Variants in DOCK8 observed in about 807,000 individuals in gnomAD.
The protein encoded by DOCK8 is dedicator of cytokinesis protein 8.
Under a neutral mutation model 245.6 loss-of-function variants are expected in DOCK8, and 141 were observed. The ratio of observed to expected loss-of-function variants is 0.57; its 90% confidence interval spans 0.50 to 0.66. The LOEUF (loss-of-function observed/expected upper bound fraction) is 0.66, where lower values mean the gene tolerates loss of function less well. Among genes scored for constraint, DOCK8 ranks in the 30% least tolerant of loss-of-function variants. The probability of loss-of-function intolerance (pLI) is 0.00; values close to 1 mark genes in which losing one functional copy is unlikely to be tolerated. For missense variants in DOCK8, 2,965 were observed against 2,603.4 expected, an observed-to-expected ratio of 1.14 and a Z score of -3.02; for synonymous variants, 1,168 against 970.2, an observed-to-expected ratio of 1.20 and a Z score of -3.79.
Position 316,950 on chromosome 9 carries a change from C to G in DOCK8, c.742-93C>G, listed in dbSNP as rs563913410. The G allele has an allele frequency of 3.4e-4, 329 of 981,330 alleles. 10 individuals carry two copies. The highest frequency in any genetic ancestry group is 2.7e-3 in the Middle Eastern group (13 of 4,830). The allele number at this position is 981,330 out of a possible 1,614,324, so 60.8% of individuals were successfully genotyped here. A position where few individuals can be genotyped will look rare whatever the true frequency, so the allele number is the denominator to read the frequency against. ...AAAGCAAATCTAAGTTAACTTGAGCCGTGGAGGGTAGCCTTCCCTTCCCTG... is the reference window on the plus strand; with the variant it reads ...AAAGCAAATCTAAGTTAACTTGAGCGGTGGAGGGTAGCCTTCCCTTCCCTG... On this transcript the variant is annotated intron_variant, in intron 6 of 47. Coordinates refer to ENST00000432829, the MANE Select transcript of DOCK8 (RefSeq NM_203447.4).
chr9:355,294 T>C (rs1382151196), intron 14 of DOCK8, among the ~76,000 whole-genome samples: 2 of 150,234 alleles, frequency 1.3e-5, no homozygotes, highest in Admixed American at 6.7e-5. Flanking sequence ...ACCTCCGCCT[T>C]CCTGGTACAA....
At chr9:287,703 C>G (rs2048878543) in intron 3 of DOCK8, among the ~76,000 whole-genome samples, 1 of 152,190 alleles carries the variant, frequency 6.6e-6, no homozygotes, top group Non-Finnish European at 1.5e-5. Context: ...GAAAGAAAAA[C>G]ATTGTCATTT....
chr9:372,718 C>G (rs1054303133), intron 18 of DOCK8, among the ~76,000 whole-genome samples: 1 of 152,164 alleles, frequency 6.6e-6, no homozygotes, highest in Non-Finnish European at 1.5e-5. Context: ...ATCCCAATGC[C>G]AATAGCCTTT....
At chr9:371,311 A>C in intron 16 of DOCK8, 117 bp from the exon 17 acceptor site, 1 of 1,241,426 alleles carries the variant, frequency 8.1e-7, no homozygotes, top group Non-Finnish European at 1.2e-6. Flanking sequence ...AGTAATGTAA[A>C]ATGAAAAGCA....
chr9:330,495 G>C (rs908747639), intron 9 of DOCK8, among the ~76,000 whole-genome samples: 1 of 152,088 alleles, frequency 6.6e-6, no homozygotes, highest in Non-Finnish European at 1.5e-5. Flanking sequence ...TTCCTATTTT[G>C]CTACATTTGC....
chr9:223,157 C>T (rs1202910753), intron 1 of DOCK8, among the ~76,000 whole-genome samples: 3 of 152,074 alleles, frequency 2.0e-5, no homozygotes, highest in Non-Finnish European at 4.4e-5. Flanking sequence ...CATCAAAGGG[C>T]AAAATTCATT....
intron 1 of DOCK8, among the ~76,000 whole-genome samples, chr9:224,019 G>A (rs1050437944): frequency 2.6e-5 from 4 of 152,104 alleles, no homozygotes; most frequent in African/African-American, 4.8e-5. Flanking sequence ...ACATATAGCC[G>A]TGAAATAACG....
rs141341212 is a variant in DOCK8 at position 369,807 on chromosome 9, T to G, written c.1798-423T>G. ...TTGGGCCAGTTGTAGTCCCAGCACT[T>G]TTTTTTTTCTTTTTGAGACAGGATC... On this transcript the variant is annotated intron_variant, in intron 15 of 47. Transcript: ENST00000432829. 253 of 238,144 alleles carry G rather than the reference T, an allele frequency of 1.1e-3. 3 individuals are homozygous for G. Among genetic ancestry groups the G allele is most frequent in the African/African-American group, 5.7e-3 (248 of 43,380 alleles). The allele number at this position is 238,144 out of a possible 1,614,324, so 14.8% of individuals were successfully genotyped here.
chr9:421,981 G>C, intron 32 of DOCK8, 67 bp from the exon 33 acceptor site: 1 of 1,373,696 alleles, frequency 7.3e-7, no homozygotes, highest in South Asian at 1.2e-5. Flanking sequence ...AGCTTGTTAT[G>C]AACTTCTGGT....
chr9:401,094 CCAT>C (rs1375329148), intron 26 of DOCK8, among the ~76,000 whole-genome samples: 4 of 150,794 alleles, frequency 2.7e-5, no homozygotes, highest in Non-Finnish European at 5.9e-5. Context: ...ACCTCCACCA[CCAT>C]CACCACCTCT....
At chr9:425,755 T>A (rs1249803113) in intron 33 of DOCK8, among the ~76,000 whole-genome samples, 36 of 131,578 alleles carry the variant, frequency 2.7e-4, no homozygotes, top group Non-Finnish European at 5.1e-4. Flanking sequence ...AGACCCTGTC[T>A]CTAAGGAAAA....
At chr9:274,704 C>T (rs538015690) in intron 2 of DOCK8, among the ~76,000 whole-genome samples, 27 of 152,078 alleles carry the variant, frequency 1.8e-4, no homozygotes, top group East Asian at 1.7e-3. Context: ...TGGAACATGT[C>T]GGTAAGATTC....
chr9:277,299 C>A (rs2048384383), intron 2 of DOCK8, among the ~76,000 whole-genome samples: 1 of 151,848 alleles, frequency 6.6e-6, no homozygotes, highest in South Asian at 2.1e-4. Flanking sequence ...GTGGCACATG[C>A]CTTTAGTCCC....
chr9:215,039 C>T lies in DOCK8; in HGVS notation c.53+10C>T, dbSNP rs763565243. ...CGCTCAAGATCAACAGGTAAGACGC[C>T]CCCCGCGGCGCGCAGGTTGCGGCCG... On this transcript the variant is annotated intron_variant, in intron 1 of 47. Coordinates refer to ENST00000432829, the MANE Select transcript of DOCK8 (RefSeq NM_203447.4). 66 of 1,573,474 alleles carry T rather than the reference C, an allele frequency of 4.2e-5. No individual in the cohort carries two copies. In the Admixed American group the frequency reaches 4.8e-4, roughly 11 times the overall value.
intron 45 of DOCK8, 80 bp downstream of exon 45, chr9:450,007 G>T: frequency 6.7e-7 from 1 of 1,482,300 alleles, no homozygotes; most frequent in South Asian, 1.2e-5. Flanking sequence ...TTCTTCCTTG[G>T]GGTTGATGAG....
At chr9:311,063 A>C (rs954883489) in intron 5 of DOCK8, among the ~76,000 whole-genome samples, 4 of 152,072 alleles carry the variant, frequency 2.6e-5, no homozygotes, top group Admixed American at 6.5e-5. Flanking sequence ...ATGGCGGCGG[A>C]TCACCTAAGG....
chr9:213,776 C>A (rs991289013), upstream of DOCK8: 22 of 151,594 alleles, frequency 1.5e-4, no homozygotes, highest in African/African-American at 4.9e-4. Context: ...TGTCGCCAGG[C>A]TGGAGTGCAG....
intron 14 of DOCK8, among the ~76,000 whole-genome samples, chr9:345,247 G>A (rs888629355): frequency 6.6e-6 from 1 of 152,148 alleles, no homozygotes; most frequent in Admixed American, 6.5e-5. Context: ...GATCTGTGGG[G>A]CAGATAAATT....
intron 1 of DOCK8, among the ~76,000 whole-genome samples, chr9:254,026 G>A (rs1387708541): frequency 6.6e-6 from 1 of 152,214 alleles, no homozygotes; most frequent in Admixed American, 6.5e-5. Context: ...AAGGTAAAAA[G>A]TAAAGCATTT....
Sources: allele counts gnomAD v4.1 joint callset (sites outside exome capture counted in the v4.1 genomes callset), GRCh38; gene constraint gnomAD v4.1.1; transcripts MANE v1.5; gene names NCBI Gene and HGNC (gene_info 2026-07-23, HGNC 2026-07-21).